LAMA5: variants seen among roughly 807,000 people sequenced by gnomAD.
The protein encoded by LAMA5 is laminin subunit alpha-5.
Under a neutral mutation model 433.4 loss-of-function variants are expected in LAMA5, and 260 were observed. The observed-to-expected ratio is 0.60, with a 90% CI of 0.54 to 0.66. LAMA5 has a LOEUF of 0.66. Among genes scored for constraint, LAMA5 ranks in the 30% least tolerant of loss-of-function variants. LAMA5 has a pLI of 0.00. For synonymous variants in LAMA5, 2,620 were observed against 2,226.6 expected (o/e 1.18, Z -4.97); for missense variants, 5,378 against 5,258.5 (o/e 1.02, Z -0.70).
intron 53 of LAMA5, 86 bp downstream of exon 53, chr20:62,318,347 AGGGAGGGGAGGACGAGGGGAG>A: frequency 5.6e-6 from 2 of 356,900 alleles, no homozygotes; most frequent in South Asian, 2.9e-5. Context: ...GGGAGGACGG[AGGGAGGGGAGGACGAGGGGAG>A]GGGAGGGGAG....
Position 62,326,937 on chromosome 20 carries a change from A to G in LAMA5, c.5142T>C (p.Tyr1714=). The change falls in exon 39 of 80, where the codon TAT becomes TAC. Residue 1714 remains tyrosine, a synonymous_variant. Coordinates refer to ENST00000252999, the MANE Select transcript of LAMA5 (RefSeq NM_005560.6). Reference sequence around the variant, plus strand: ...CCCGCTGGGTCTCTGAGTGCAGTTCATAACGGAGGGTCCCACCGTAGGATG... The same window carrying G: ...CCCGCTGGGTCTCTGAGTGCAGTTCGTAACGGAGGGTCCCACCGTAGGATG... ...RVSSYGGTLR[Y]ELHSETQRGD... is the part of the protein sequence containing the mutation. 1.2e-6 allele frequency: 2 copies of G among 1,611,166 alleles called. No homozygotes were observed. Among genetic ancestry groups the G allele is most frequent in the Non-Finnish European group, 1.7e-6 (2 of 1,178,560 alleles).
At position 62,310,846 on chromosome 20, in the gene LAMA5, G is replaced by A; in HGVS notation, c.10282-17C>T. 6.3e-7 allele frequency: 1 copy of A among 1,586,516 alleles called. No individual in the cohort carries two copies. The highest frequency in any genetic ancestry group is 2.3e-5 in the East Asian group (1 of 44,182). On this transcript the variant is annotated splice_polypyrimidine_tract_variant and intron_variant, in intron 74 of 79. Coordinates refer to ENST00000252999, the MANE Select transcript of LAMA5 (RefSeq NM_005560.6). ...CACGGAGACCTGGGGGCAGGAGATG[G>A]GTCAGGGTAGGGCTGCCAGGCCCTG...
chr20:62,345,928 C>T (rs1983286391), intron 10 of LAMA5, 51 bp from the exon 11 acceptor site: 2 of 1,552,090 alleles, frequency 1.3e-6, no homozygotes, highest in East Asian at 2.4e-5. Flanking sequence ...AACCCTAGCA[C>T]CCTACACCCC....
rs1327469220 is a variant in LAMA5 at position 62,311,741 on chromosome 20, G to A, written c.9679C>T (p.His3227Tyr). ...VDDQLQQMKP[H>Y]RGPPPELQPQ... is the part of the protein sequence containing the mutation. ...TGGAGCTCGGGGGGTGGTCCCCGGT[G>A]GGGCTTCATCTGCTGGAGCTGGTCA... Residue 3227 changes from histidine to tyrosine, a missense_variant, in exon 71 of 80, where the codon CAC (histidine) becomes TAC (tyrosine). Physicochemically the swap from His to Tyr is moderately conservative, Grantham distance 83. Coordinates refer to ENST00000252999, the MANE Select transcript of LAMA5 (RefSeq NM_005560.6). 1.3e-6 allele frequency: 2 copies of A among 1,561,574 alleles called. No homozygotes were observed. The highest frequency in any genetic ancestry group is 2.4e-5 in the South Asian group (2 of 85,068).
At position 62,316,765 on chromosome 20, in the gene LAMA5, C is replaced by G. The variant is rs750985485; in HGVS notation, c.7662G>C (p.Val2554=). Residue 2554 remains valine, a synonymous_variant, in exon 57 of 80, where the codon GTG becomes GTC. Transcript: ENST00000252999. The stretch of plus-strand genomic sequence containing the variant: ...GGGCTCGGTCCACCAGGCCCTGCCG[C>G]ACCACCGTCTGTGGATGCCAGGGCA... ...QQADHTWATV[V]RQGLVDRAQQ... is the part of the protein sequence containing the mutation. The G allele has an allele frequency of 6.2e-7, 1 of 1,604,802 alleles. No homozygotes were observed. The highest frequency in any genetic ancestry group is 1.3e-5 in the African/African-American group (1 of 74,772).
chr20:62,325,601 G>C, intron 40 of LAMA5, 55 bp from the exon 41 acceptor site: 1 of 1,294,336 alleles, frequency 7.7e-7, no homozygotes, highest in Non-Finnish European at 1.1e-6. Context: ...ACAGAACAGG[G>C]AGCCTAGAAC....
In LAMA5 at chr20:62,360,909, G is replaced by A. The variant is rs192483352; in HGVS notation, c.450+1491C>T. 4.9e-3 allele frequency among the ~76,000 whole-genome samples: 749 copies of A among 152,206 alleles called. 6 individuals are homozygous for A. Among genetic ancestry groups the A allele is most frequent in the Non-Finnish European group, 9.0e-3 (612 of 67,972 alleles). On this transcript the variant is annotated intron_variant, in intron 2 of 79. Transcript: ENST00000252999. ...CCAAGGGGTGGTGGAGCCCAGGCTC[G>A]TGGGTCCGAGTGTCAGTCCCGGCTT... is the stretch of plus-strand genomic sequence containing the variant.
At chr20:62,333,539 G>C (rs1456313546) in intron 24 of LAMA5, 25 bp downstream of exon 24, 27 of 1,570,210 alleles carry the variant, frequency 1.7e-5, no homozygotes, top group Non-Finnish European at 2.0e-5. Context: ...CCGGCCCCCA[G>C]CCCTCACTCT....
chr20:62,365,283 CG>C (rs1276756148), intron 1 of LAMA5, among the ~76,000 whole-genome samples: 2 of 152,228 alleles, frequency 1.3e-5, no homozygotes, highest in African/African-American at 4.8e-5. Flanking sequence ...CCAGGCTCCT[CG>C]GGCCAAGCTC....
chr20:62,330,712 C>T (rs1265454599), intron 30 of LAMA5, 31 bp downstream of exon 30: 2 of 1,555,378 alleles, frequency 1.3e-6, no homozygotes, highest in Non-Finnish European at 1.7e-6. Context: ...TGCCCTGACA[C>T]CCCCGTCCCT....
Position 62,353,118 on chromosome 20 carries a change from G to T in LAMA5, c.568+16C>A. 1.3e-6 allele frequency: 2 copies of T among 1,547,746 alleles called. No individual in the cohort carries two copies. Among genetic ancestry groups the T allele is most frequent in the South Asian group, 1.2e-5 (1 of 84,574 alleles). ...CCCTGCCTCTCCCCCCAGGCCCCAC[G>T]GCGGCAGAGACTCACAGGCAAAGAA... On this transcript the variant is annotated intron_variant, in intron 3 of 79. Coordinates refer to ENST00000252999, the MANE Select transcript of LAMA5 (RefSeq NM_005560.6).
chr20:62,309,813 G>A lies in LAMA5; in HGVS notation c.10851C>T (p.Leu3617=). Residue 3617 remains leucine (L), a synonymous_variant, in exon 79 of 80, where the codon CTC becomes CTT. Coordinates refer to ENST00000252999, the MANE Select transcript of LAMA5 (RefSeq NM_005560.6). ...RLAVMKSGNV[L]RLEVDAQSNH... ...TGCTCTGCGCGTCCACCTCCAGCCG[G>A]AGCACATTCCCGCTTTTCATCACTG... 1.9e-6 allele frequency: 3 copies of A among 1,611,466 alleles called. No homozygotes were observed. The highest frequency in any genetic ancestry group is 1.3e-5 in the African/African-American group (1 of 74,932).
chr20:62,345,048 C>T (rs1223874466), intron 11 of LAMA5, among the ~76,000 whole-genome samples: 1 of 152,160 alleles, frequency 6.6e-6, no homozygotes, highest in African/African-American at 2.4e-5. Flanking sequence ...GATGGAGTTT[C>T]GCTCTGTTGC....
At chr20:62,364,870 C>T (rs1171900049) in intron 1 of LAMA5, among the ~76,000 whole-genome samples, 2 of 152,274 alleles carry the variant, frequency 1.3e-5, no homozygotes, top group African/African-American at 4.8e-5. Flanking sequence ...CAGCCCCAGG[C>T]CCCATAGCCT....
rs374708239 is a variant in LAMA5 at position 62,320,730 on chromosome 20, G to T, written c.6648+9C>A. 2.5e-6 allele frequency: 4 copies of T among 1,612,448 alleles called. No homozygotes were observed. In the African/African-American group the frequency reaches 4.0e-5, roughly 16 times the overall value. On this transcript the variant is annotated intron_variant, in intron 49 of 79. Transcript: ENST00000252999. ...CGGGTTGGGGAGGGAAGGCCAGGAC[G>T]CTCAGTACCTGCAGGTCAGCGATGG... is the stretch of plus-strand genomic sequence containing the variant.
At position 62,322,323 on chromosome 20, in the gene LAMA5, G is replaced by A. The variant is rs763345167; in HGVS notation, c.6292C>T (p.Gln2098Ter). The change falls in exon 47 of 80, where the codon CAG becomes TAG. Residue 2098 changes from glutamine (Q) to a stop codon, truncating the protein, a stop_gained. Coordinates refer to ENST00000252999, the MANE Select transcript of LAMA5 (RefSeq NM_005560.6). LOFTEE classifies it high-confidence loss of function. ...CHCRPGTMGP[Q>*]CRECAPGYWG... Reference sequence around the variant, plus strand: ...TAGCCAGGGGCACACTCGCGGCACTGGGGTCCCATGGTCCCTGGTCGGCAG... The same window carrying A: ...TAGCCAGGGGCACACTCGCGGCACTAGGGTCCCATGGTCCCTGGTCGGCAG... 3.8e-6 allele frequency: 6 copies of A among 1,599,692 alleles called. No individual in the cohort carries two copies. The highest frequency in any genetic ancestry group is 5.1e-6 in the Non-Finnish European group (6 of 1,175,032).
rs535710987 is a variant in LAMA5, at chr20:62,322,547, G to A, written c.6166-98C>T. On this transcript the variant is annotated intron_variant, in intron 46 of 79. Transcript: ENST00000252999. Reference sequence around the variant, plus strand: ...CTGCCCATCTGGCCCCACCCCCTGAGGCTCTGCCCATCAAACACTGCCCCT... The same window carrying A: ...CTGCCCATCTGGCCCCACCCCCTGAAGCTCTGCCCATCAAACACTGCCCCT... 6.2e-6 allele frequency: 9 copies of A among 1,442,400 alleles called. No individual in the cohort carries two copies. The East Asian group carries it at 2.3e-4, about 36-fold the overall frequency. The allele number at this position is 1,442,400 out of a possible 1,614,324, so 89.4% of individuals were successfully genotyped here.
intron 2 of LAMA5, among the ~76,000 whole-genome samples, chr20:62,360,714 C>T (rs1245477473): frequency 6.8e-5 from 10 of 147,776 alleles, no homozygotes; most frequent in Non-Finnish European, 1.5e-4. Context: ...AAGGGTTCCT[C>T]TTCCCTCCGT....
In LAMA5 at chr20:62,359,564, C is replaced by T. The variant is rs1027127773; in HGVS notation, c.450+2836G>A. The stretch of plus-strand genomic sequence containing the variant: ...GTGGCCGCTCAGTTCCAGAAGCTTC[C>T]GGAGGATGCAAGGAGATACGCAAGA... On this transcript the variant is annotated intron_variant, in intron 2 of 79. Coordinates refer to ENST00000252999, the MANE Select transcript of LAMA5 (RefSeq NM_005560.6). This position sits in a 1 kb window ranked among gnomAD's most constrained non-coding sequence, Gnocchi z 4.3. 5.3e-5 allele frequency among the ~76,000 whole-genome samples: 8 copies of T among 152,052 alleles called. No homozygotes were observed. The highest frequency in any genetic ancestry group is 1.7e-4 in the African/African-American group (7 of 41,408).
Sources: gnomAD v4.1 joint callset for allele counts (sites outside exome capture counted in the v4.1 genomes callset) on GRCh38, gnomAD v4.1.1 for gene constraint, Gnocchi (gnomAD v3.1) non-coding constraint, MANE v1.5 for transcripts, NCBI Gene and HGNC (gene_info 2026-07-23, HGNC 2026-07-21) for gene names.